The following RAF1 variants were observed in gnomAD, a reference collection of about 807,000 sequenced individuals.
RAF1 encodes RAF proto-oncogene serine/threonine-protein kinase.
RAF1 carries 27 observed loss-of-function variants against 81.1 expected under a neutral mutation model. That is an observed-to-expected ratio of 0.33 (90% CI 0.25 to 0.46). RAF1 has a LOEUF of 0.46. Among genes scored for constraint, RAF1 ranks in the 20% least tolerant of loss-of-function variants. The pLI, the probability that RAF1 is intolerant of heterozygous loss-of-function variation, is 1.00. For missense variants in RAF1, 598 were observed against 826.0 expected (o/e 0.72, Z 3.38); for synonymous variants, 298 against 294.0 (o/e 1.01, Z -0.14).
chr3:12,585,705 T>C lies in RAF1; in HGVS notation c.1572A>G (p.Gln524=), dbSNP rs2125325676. ...CCATCCAGAGGACAGAGCCAGTAGG[T>C]TGTTCAACCTGCTGAGAACCACTCC... Residue 524 remains glutamine, a synonymous_variant, in exon 15 of 18, where the codon CAA becomes CAG. Coordinates refer to ENST00000442415, the MANE Select transcript of RAF1 (RefSeq NM_001354689.3). The C allele has an allele frequency of 6.2e-7, 1 of 1,614,028 alleles. No individual in the cohort carries two copies.
intron 2 of RAF1, among the ~76,000 whole-genome samples, chr3:12,617,404 T>A (rs1254683270): frequency 1.3e-5 from 2 of 152,032 alleles, no homozygotes; most frequent in Non-Finnish European, 2.9e-5. Flanking sequence ...CGTAAGCCAC[T>A]GCACCAGGCC....
At chr3:12,594,509 C>G (rs1270901489) in intron 11 of RAF1, among the ~76,000 whole-genome samples, 1 of 152,194 alleles carries the variant, frequency 6.6e-6, no homozygotes, top group Admixed American at 6.5e-5. Context: ...CCTTTGGTGT[C>G]ACCTGTTCTG....
chr3:12,649,487 T>A (rs917831525), intron 1 of RAF1, among the ~76,000 whole-genome samples: 3 of 151,998 alleles, frequency 2.0e-5, no homozygotes, highest in African/African-American at 7.3e-5. Context: ...TAGTCTCAGC[T>A]ACTAAGGAGG....
chr3:12,612,066 C>T lies in RAF1; in HGVS notation c.208-4G>A, dbSNP rs751334223. The T allele has an allele frequency of 3.7e-6, 6 of 1,613,066 alleles. No individual in the cohort carries two copies. The highest frequency in any genetic ancestry group is 4.2e-6 in the Non-Finnish European group (5 of 1,179,190). Reference sequence around the variant, plus strand: ...TCATTCCATTTCGCACATTGACCTACAAACAAAGGACCACCTTTAGGACCA... The same window carrying T: ...TCATTCCATTTCGCACATTGACCTATAAACAAAGGACCACCTTTAGGACCA... On this transcript the variant is annotated splice_region_variant and splice_polypyrimidine_tract_variant and intron_variant, in intron 2 of 17. Coordinates refer to ENST00000442415, the MANE Select transcript of RAF1 (RefSeq NM_001354689.3).
In RAF1 at chr3:12,611,046, A is replaced by C. The variant is rs145757309; in HGVS notation, c.320+904T>G. On this transcript the variant is annotated intron_variant, in intron 3 of 17. Coordinates refer to ENST00000442415, the MANE Select transcript of RAF1 (RefSeq NM_001354689.3). ...GTGAATGAGAAAAGTCAATCTCCCG[A>C]GGATAGCATTCTTTATATAAAATAA... Among the ~76,000 whole-genome samples the C allele has an allele frequency of 4.0e-3, 612 of 152,310 alleles. 1 individual carries two copies. The highest frequency in any genetic ancestry group is 6.8e-3 in the Non-Finnish European group (462 of 68,020).
Position 12,590,716 on chromosome 3 carries a change from G to A in RAF1, c.1430+82C>T, listed in dbSNP as rs917274464. ...TATCACAGAATCGCTTAATGGACTA[G>A]AAGGCTTTTCCTGATCCTGGTTCCA... On this transcript the variant is annotated intron_variant, in intron 13 of 17. Transcript: ENST00000442415. 2.1e-6 allele frequency: 3 copies of A among 1,448,934 alleles called. No homozygotes were observed. In the East Asian group the frequency reaches 6.8e-5, roughly 33 times the overall value. The allele number at this position is 1,448,934 out of a possible 1,614,324, so 89.8% of individuals were successfully genotyped here.
intron 1 of RAF1, among the ~76,000 whole-genome samples, chr3:12,643,736 C>CAA (rs11328513): frequency 1.4e-5 from 2 of 142,150 alleles, no homozygotes; most frequent in African/African-American, 2.5e-5. Context: ...AACTCTGTCT[C>CAA]AAAAAAAAAA....
chr3:12,614,454 A>G (rs941688664), intron 2 of RAF1, among the ~76,000 whole-genome samples: 1 of 152,022 alleles, frequency 6.6e-6, no homozygotes, highest in Non-Finnish European at 1.5e-5. Context: ...ATATACTGAG[A>G]CAGAATCTTG....
At chr3:12,591,987 A>AT in intron 11 of RAF1, 195 bp from the exon 11 acceptor site, 1 of 618,672 alleles carries the variant, frequency 1.6e-6, no homozygotes, top group Non-Finnish European at 2.9e-6. Context: ...GCAGTGGCAC[A>AT]TTGCAGCCTT....
intron 11 of RAF1, among the ~76,000 whole-genome samples, chr3:12,595,116 G>A (rs773236330): frequency 6.6e-6 from 1 of 152,144 alleles, no homozygotes; most frequent in African/African-American, 2.4e-5. Flanking sequence ...CACCGAGGCT[G>A]GAGTGCAGCA....
intron 3 of RAF1, 113 bp from the exon 4 acceptor site, chr3:12,609,448 T>C (rs2059143736): frequency 1.4e-6 from 1 of 720,804 alleles, no homozygotes. Context: ...ATTTAATCCA[T>C]ACAACAATAA....
chr3:12,597,269 C>T (rs531213815), intron 11 of RAF1, among the ~76,000 whole-genome samples: 9 of 152,146 alleles, frequency 5.9e-5, no homozygotes, highest in Non-Finnish European at 1.3e-4. Context: ...AACACTGTAA[C>T]AAATAATCTT....
intron 3 of RAF1, among the ~76,000 whole-genome samples, chr3:12,611,514 C>T (rs1395815485): frequency 1.3e-5 from 2 of 152,186 alleles, no homozygotes; most frequent in Non-Finnish European, 2.9e-5. Context: ...TCCTGGCTAA[C>T]ACGGTGAAAC....
At chr3:12,620,070 A>C (rs1174469841) in intron 1 of RAF1, among the ~76,000 whole-genome samples, 3 of 152,114 alleles carry the variant, frequency 2.0e-5, no homozygotes, top group Admixed American at 2.0e-4. Flanking sequence ...GGACAGAGCA[A>C]GACTCCATCT....
intron 1 of RAF1, among the ~76,000 whole-genome samples, chr3:12,663,258 A>C (rs1240571344): frequency 6.6e-6 from 1 of 152,174 alleles, no homozygotes; most frequent in Non-Finnish European, 1.5e-5. Flanking sequence ...TAAGTATCCC[A>C]AACCTTTCAT....
intron 1 of RAF1, among the ~76,000 whole-genome samples, chr3:12,638,959 G>A (rs1167515564): frequency 6.6e-6 from 1 of 151,910 alleles, no homozygotes; most frequent in African/African-American, 2.4e-5. Flanking sequence ...TACGTTTATT[G>A]ATTTGCATAT....
chr3:12,613,001 G>A (rs1165842734), intron 2 of RAF1, among the ~76,000 whole-genome samples: 1 of 152,110 alleles, frequency 6.6e-6, no homozygotes, highest in African/African-American at 2.4e-5. Context: ...GCAGGAAGTG[G>A]AAGATATAGA....
intron 1 of RAF1, among the ~76,000 whole-genome samples, chr3:12,642,719 C>CACACACACACACACACACAA (rs1491570753): frequency 2.1e-5 from 3 of 141,376 alleles, no homozygotes; most frequent in Non-Finnish European, 4.6e-5. Flanking sequence ...CACACACACA[C>CACACACACACACACACACAA]AAAATAGCTG....
chr3:12,606,051 G>A (rs2059018089), intron 6 of RAF1, 150 bp downstream of exon 6: 3 of 614,946 alleles, frequency 4.9e-6, no homozygotes, highest in Non-Finnish European at 5.9e-6. Flanking sequence ...TACCTTTTCT[G>A]TACCACCAGT....
Sources: gnomAD v4.1 joint callset for allele counts (sites outside exome capture counted in the v4.1 genomes callset) on GRCh38, gnomAD v4.1.1 for gene constraint, MANE v1.5 for transcripts, NCBI Gene and HGNC (gene_info 2026-07-23, HGNC 2026-07-21) for gene names.